Variants in RGL1 observed in about 807,000 individuals in gnomAD.
RGL1 encodes ral guanine nucleotide dissociation stimulator like 1.
In RGL1, 24 loss-of-function variants were observed where a neutral mutation model predicts 95.2. That is an observed-to-expected ratio of 0.25 (90% CI 0.18 to 0.35). The LOEUF (loss-of-function observed/expected upper bound fraction) is 0.35, where lower values mean the gene tolerates loss of function less well. RGL1 is among the 10% of genes least tolerant of loss of function. The pLI is 1.00. For missense variants in RGL1, 715 were observed against 936.3 expected, an observed-to-expected ratio of 0.76 and a Z score of 3.08; for synonymous variants, 329 against 344.9, an observed-to-expected ratio of 0.95 and a Z score of 0.51.
At chr1:183,877,750 C>T (rs1030843809) in intron 4 of RGL1, among the ~76,000 whole-genome samples, 1 of 152,178 alleles carries the variant, frequency 6.6e-6, no homozygotes, top group Non-Finnish European at 1.5e-5. Flanking sequence ...GGCTAAGCTA[C>T]AGGAAGGTCA....
At chr1:183,752,705 TTTCCC>T (rs1658096322) in intron 2 of RGL1, among the ~76,000 whole-genome samples, 25 of 128,598 alleles carry the variant, frequency 1.9e-4, no homozygotes, top group South Asian at 7.5e-4. Flanking sequence ...TCTCTCTCTC[TTTCCC>T]CTTTCCTCTC....
At chr1:183,821,189 A>G (rs1662466247) in intron 2 of RGL1, among the ~76,000 whole-genome samples, 1 of 152,136 alleles carries the variant, frequency 6.6e-6, no homozygotes, top group Admixed American at 6.5e-5. Flanking sequence ...AATGTTTTTA[A>G]TTTGGCAACT....
chr1:183,739,188 T>C (rs1186954071), intron 1 of RGL1, among the ~76,000 whole-genome samples: 3 of 152,222 alleles, frequency 2.0e-5, no homozygotes, highest in African/African-American at 7.2e-5. Context: ...GGAAAAGGAA[T>C]GATCCATTCC....
intron 2 of RGL1, among the ~76,000 whole-genome samples, chr1:183,750,976 C>G (rs1657961477): frequency 6.6e-6 from 1 of 152,186 alleles, no homozygotes; most frequent in African/African-American, 2.4e-5. Flanking sequence ...AGCCAGAGCT[C>G]TCCTGTATGA....
At chr1:183,741,342 G>A (rs114769291) in intron 1 of RGL1, among the ~76,000 whole-genome samples, 2,033 of 152,250 alleles carry the variant, frequency 0.013, 45 homozygotes, top group African/African-American at 0.047. Context: ...ATATGGGGCT[G>A]AGCCAGGCAA....
At chr1:183,645,297 C>T (rs1254802503) in intron 1 of RGL1, among the ~76,000 whole-genome samples, 2 of 152,180 alleles carry the variant, frequency 1.3e-5, no homozygotes, top group East Asian at 3.8e-4. Context: ...AAACCTGCTT[C>T]TGATGAGTAA....
chr1:183,916,336 AG>A (rs1339568496), intron 15 of RGL1, 110 bp from the exon 16 acceptor site: 2 of 1,291,500 alleles, frequency 1.5e-6, no homozygotes, highest in African/African-American at 3.0e-5. Context: ...GCTGTTGTGG[AG>A]GAAATAACTG....
intron 4 of RGL1, among the ~76,000 whole-genome samples, chr1:183,878,146 TTCTTTCTA>T (rs770262897): frequency 0.066 from 6,441 of 97,164 alleles, 117 homozygotes; most frequent in Non-Finnish European, 0.069. Context: ...CATGTTGATT[TTCTTTCTA>T]TCTATCTATC....
chr1:183,802,666 A>G (rs773250070), upstream of RGL1, among the ~76,000 whole-genome samples: 65 of 152,212 alleles, frequency 4.3e-4, no homozygotes, highest in Non-Finnish European at 8.1e-4. Context: ...CAAAATAAAG[A>G]ATTAATGTGT....
intron 2 of RGL1, among the ~76,000 whole-genome samples, chr1:183,827,715 A>G (rs1473121857): frequency 6.6e-6 from 1 of 152,114 alleles, no homozygotes; most frequent in Non-Finnish European, 1.5e-5. Flanking sequence ...TTTTTTTCTT[A>G]TTCCCTCTCT....
intron 16 of RGL1, among the ~76,000 whole-genome samples, chr1:183,920,700 T>C (rs752542297): frequency 3.3e-5 from 5 of 152,250 alleles, no homozygotes; most frequent in Non-Finnish European, 7.3e-5. Flanking sequence ...TTTGGGAGTA[T>C]TTTCTTCATA....
upstream of RGL1, among the ~76,000 whole-genome samples, chr1:183,801,915 T>C (rs1661014173): frequency 1.3e-5 from 2 of 152,208 alleles, no homozygotes; most frequent in African/African-American, 4.8e-5. Flanking sequence ...TACCAAGCTA[T>C]TAATGGGGGA....
chr1:183,846,158 G>A (rs1664411352), intron 2 of RGL1, among the ~76,000 whole-genome samples: 2 of 152,190 alleles, frequency 1.3e-5, no homozygotes, highest in Admixed American at 6.5e-5. Context: ...GCCCATCAGT[G>A]ATAGACTGGA....
chr1:183,892,105 T>C lies in RGL1; in HGVS notation c.1084T>C (p.Ser362Pro), dbSNP rs1336582686. 1.2e-6 allele frequency: 2 copies of C among 1,612,920 alleles called. No homozygotes were observed. Among genetic ancestry groups the C allele is most frequent in the Non-Finnish European group, 1.7e-6 (2 of 1,179,308 alleles). Residue 362 changes from serine to proline, a missense_variant, in exon 9 of 18, where the codon TCA becomes CCA. By Grantham distance (74) the Ser-to-Pro change is moderately conservative (BLOSUM62 -1). Around this residue, in one of 3 missense-constraint regions of RGL1, gnomAD observed 381 missense variants for 484.8 expected, o/e 0.79. Transcript: ENST00000360851. ...RDRMLMFEEL[S>P]DIFSDHNNHL... Reference sequence around the variant, plus strand: ...CCGAATGCTGATGTTTGAAGAACTTTCAGATATCTTCTCAGACCATAATAA... The same window carrying C: ...CCGAATGCTGATGTTTGAAGAACTTCCAGATATCTTCTCAGACCATAATAA...
intron 1 of RGL1, among the ~76,000 whole-genome samples, chr1:183,708,383 A>G (rs1332532852): frequency 6.6e-6 from 1 of 152,166 alleles, no homozygotes; most frequent in Non-Finnish European, 1.5e-5. Flanking sequence ...CTCCCAAATT[A>G]ACAAGACTTG....
intron 17 of RGL1, among the ~76,000 whole-genome samples, chr1:183,923,912 C>T (rs1669461129): frequency 1.3e-5 from 2 of 152,170 alleles, no homozygotes; most frequent in Non-Finnish European, 2.9e-5. Flanking sequence ...CTCAATTTGT[C>T]CAGTTTTACA....
At chr1:183,897,965 C>T (rs192595971) in intron 10 of RGL1, 68 bp downstream of exon 10, 5 of 1,322,770 alleles carry the variant, frequency 3.8e-6, no homozygotes, top group African/African-American at 2.9e-5. Flanking sequence ...TGGGCTCCCA[C>T]ATGGCACTGG....
chr1:183,920,157 C>CCT (rs1302365429), intron 16 of RGL1, among the ~76,000 whole-genome samples: 1 of 152,036 alleles, frequency 6.6e-6, no homozygotes, highest in Non-Finnish European at 1.5e-5. Flanking sequence ...GCCTCAGCCT[C>CCT]CTGAGTAGCT....
chr1:183,923,431 A>C (rs1255078072), intron 17 of RGL1, among the ~76,000 whole-genome samples: 2 of 152,210 alleles, frequency 1.3e-5, no homozygotes, highest in Middle Eastern at 3.2e-3. Flanking sequence ...TCTCAGTTAT[A>C]ACCTTTTGAT....
Sources: allele counts gnomAD v4.1 joint callset (sites outside exome capture counted in the v4.1 genomes callset), GRCh38; gene constraint gnomAD v4.1.1; regional missense constraint gnomAD v4.1.1; transcripts MANE v1.5; gene names NCBI Gene and HGNC (gene_info 2026-07-23, HGNC 2026-07-21).